The following MYO3A variants were observed in gnomAD, a reference collection of about 807,000 sequenced individuals.
The protein encoded by MYO3A is myosin-IIIa.
In MYO3A, 180 loss-of-function variants were observed where a neutral mutation model predicts 192.7. The observed-to-expected ratio is 0.93, with a 90% CI of 0.83 to 1.06. MYO3A has a LOEUF of 1.06. Ranked by LOEUF, MYO3A falls within the 50% of genes least tolerant of loss-of-function variation. The probability of loss-of-function intolerance (pLI) is 0.00; values close to 1 mark genes in which losing one functional copy is unlikely to be tolerated. For synonymous variants in MYO3A, 628 were observed against 645.3 expected (o/e 0.97, Z 0.41); for missense variants, 1,896 against 1,905.0 (o/e 1.00, Z 0.09).
At chr10:26,209,402 C>T (rs1844121115) in intron 34 of MYO3A, among the ~76,000 whole-genome samples, 1 of 152,194 alleles carries the variant, frequency 6.6e-6, no homozygotes, top group Admixed American at 6.5e-5. Context: ...CCCCCTACAA[C>T]CACCCATTTT....
chr10:26,040,361 A>G (rs1340999996), intron 10 of MYO3A, among the ~76,000 whole-genome samples: 1 of 152,182 alleles, frequency 6.6e-6, no homozygotes, highest in East Asian at 1.9e-4. Flanking sequence ...CTATTTTGGA[A>G]AAATCAGATG....
intron 2 of MYO3A, among the ~76,000 whole-genome samples, chr10:25,950,832 A>G (rs1348827635): frequency 6.6e-6 from 1 of 152,132 alleles, no homozygotes; most frequent in Non-Finnish European, 1.5e-5. Flanking sequence ...AGTGAATTTC[A>G]TGGGCTAATA....
intron 1 of MYO3A, among the ~76,000 whole-genome samples, chr10:25,934,571 AG>A (rs1835919473): frequency 7.9e-6 from 1 of 126,420 alleles, no homozygotes; most frequent in African/African-American, 3.1e-5. Context: ...GGAAACCAAG[AG>A]GGGGAATGTG....
intron 24 of MYO3A, among the ~76,000 whole-genome samples, 153 bp from the exon 25 acceptor site, chr10:26,154,593 A>G (rs1840992097): frequency 6.6e-6 from 1 of 152,258 alleles, no homozygotes. Flanking sequence ...AGACTGACAA[A>G]ACAATTACCT....
intron 34 of MYO3A, chr10:26,204,339 A>G (rs2132220172): frequency 6.6e-6 from 1 of 152,292 alleles, no homozygotes; most frequent in Non-Finnish European, 1.5e-5. Flanking sequence ...TCCCATTTTA[A>G]AAGCTCACCC....
intron 10 of MYO3A, among the ~76,000 whole-genome samples, chr10:26,046,199 C>T (rs56284120): frequency 0.16 from 24,717 of 152,078 alleles, 2,306 homozygotes; most frequent in Non-Finnish European, 0.21. Flanking sequence ...AATGTTGGAA[C>T]TGGGGAACAG....
chr10:26,127,781 T>C (rs1839304242), intron 19 of MYO3A, among the ~76,000 whole-genome samples: 1 of 151,512 alleles, frequency 6.6e-6, no homozygotes, highest in Non-Finnish European at 1.5e-5. Flanking sequence ...GTATTTGAAA[T>C]ACTTAATTGT....
At chr10:26,200,355 C>T (rs1469831430) in intron 32 of MYO3A, among the ~76,000 whole-genome samples, 1 of 152,136 alleles carries the variant, frequency 6.6e-6, no homozygotes, top group African/African-American at 2.4e-5. Context: ...TTTTGTTATA[C>T]AACACTTTTA....
intron 10 of MYO3A, among the ~76,000 whole-genome samples, chr10:26,030,768 A>G (rs188068827): frequency 1.3e-5 from 2 of 152,368 alleles, no homozygotes; most frequent in East Asian, 3.9e-4. Context: ...AGCTTTAAAG[A>G]AAATGGTCCT....
intron 23 of MYO3A, among the ~76,000 whole-genome samples, chr10:26,148,989 G>A (rs990730051): frequency 6.6e-6 from 1 of 151,918 alleles, no homozygotes; most frequent in African/African-American, 2.4e-5. Flanking sequence ...TGGTTGCACT[G>A]GCTAGAATCA....
chr10:26,206,989 C>A (rs1843989848), intron 34 of MYO3A, among the ~76,000 whole-genome samples: 1 of 151,774 alleles, frequency 6.6e-6, no homozygotes, highest in South Asian at 2.1e-4. Flanking sequence ...GACCATTTCT[C>A]AGTCTTCTTT....
At chr10:26,179,243 C>T (rs147849961) in intron 31 of MYO3A, among the ~76,000 whole-genome samples, 146 of 151,668 alleles carry the variant, frequency 9.6e-4, no homozygotes, top group African/African-American at 3.4e-3. Context: ...GGATTACAGG[C>T]GACCACCACC....
intron 32 of MYO3A, among the ~76,000 whole-genome samples, chr10:26,195,367 T>G (rs1260737012): frequency 6.6e-6 from 1 of 152,236 alleles, no homozygotes; most frequent in Non-Finnish European, 1.5e-5. Context: ...GTCTTGTCAG[T>G]AGTTCTGAGT....
At chr10:26,028,472 TGAG>T (rs1243162303) in intron 10 of MYO3A, among the ~76,000 whole-genome samples, 1 of 152,216 alleles carries the variant, frequency 6.6e-6, no homozygotes, top group Non-Finnish European at 1.5e-5. Flanking sequence ...TAGTTTATAA[TGAG>T]GAGATAATCA....
rs773853404 is a variant in MYO3A, at chr10:26,109,407, G to A, written c.1777-11269G>A. On this transcript the variant is annotated intron_variant, in intron 17 of 34. Transcript: ENST00000642920. ...AGTTTTAAATAGCATGCTGTGCTGA[G>A]TAGCATGATGAAATCCCACTCCTTC... Among the ~76,000 whole-genome samples the A allele has an allele frequency of 3.0e-4, 46 of 152,208 alleles. 2 individuals carry two copies. The highest frequency in any genetic ancestry group is 1.3e-4 in the Admixed American group (2 of 15,278).
chr10:26,100,243 G>T (rs1837350003), intron 17 of MYO3A, among the ~76,000 whole-genome samples: 1 of 152,098 alleles, frequency 6.6e-6, no homozygotes, highest in African/African-American at 2.4e-5. Flanking sequence ...CTGTGGGATT[G>T]ATGGTGGTGT....
intron 18 of MYO3A, among the ~76,000 whole-genome samples, chr10:26,124,374 T>C (rs1427967934): frequency 2.6e-5 from 4 of 152,086 alleles, no homozygotes; most frequent in Non-Finnish European, 5.9e-5. Flanking sequence ...TGCAGCAAAT[T>C]AAAGCATATT....
intron 10 of MYO3A, among the ~76,000 whole-genome samples, chr10:26,064,570 T>C (rs1834698397): frequency 6.6e-6 from 1 of 152,032 alleles, no homozygotes; most frequent in East Asian, 1.9e-4. Context: ...TAAAGATCAC[T>C]CTGGCTGCAG....
intron 31 of MYO3A, among the ~76,000 whole-genome samples, chr10:26,188,198 G>A (rs1842953008): frequency 2.0e-5 from 3 of 152,296 alleles, no homozygotes; most frequent in South Asian, 2.1e-4. Flanking sequence ...CTGGCGTGAG[G>A]TGGTATCTCA....
Sources: gnomAD v4.1 joint callset for allele counts (sites outside exome capture counted in the v4.1 genomes callset) on GRCh38, gnomAD v4.1.1 for gene constraint, MANE v1.5 for transcripts, NCBI Gene and HGNC (gene_info 2026-07-23, HGNC 2026-07-21) for gene names.